The following RALGAPA2 variants were observed in gnomAD, a reference collection of about 807,000 sequenced individuals.
RALGAPA2 encodes Ral GTPase activating protein catalytic subunit alpha 2, also known as ral GTPase-activating protein subunit alpha-2.
A neutral mutation model predicts 230.4 loss-of-function variants in RALGAPA2; 139 were observed. The ratio of observed to expected loss-of-function variants is 0.60; its 90% CI spans 0.53 to 0.69. The LOEUF (loss-of-function observed/expected upper bound fraction) is 0.69. RALGAPA2 is among the 30% of genes least tolerant of loss of function. RALGAPA2 has a pLI of 0.00. For synonymous variants in RALGAPA2, 847 were observed against 837.8 expected (o/e 1.01, Z -0.19); for missense variants, 2,163 against 2,276.0 (o/e 0.95, Z 1.01).
chr20:20,605,562 C>T (rs2065794384), intron 14 of RALGAPA2, 150 bp from the exon 15 acceptor site: 1 of 679,382 alleles, frequency 1.5e-6, no homozygotes, highest in Non-Finnish European at 2.4e-6. Context: ...TCTCAAAATT[C>T]ATTTGACCAA....
At chr20:20,666,372 G>T (rs1444900644) in intron 3 of RALGAPA2, among the ~76,000 whole-genome samples, 1 of 152,170 alleles carries the variant, frequency 6.6e-6, no homozygotes, top group African/African-American at 2.4e-5. Context: ...ATCTACTAAA[G>T]CATCTAAATA....
intron 38 of RALGAPA2, among the ~76,000 whole-genome samples, chr20:20,403,614 G>A (rs970594783): frequency 3.9e-5 from 6 of 152,148 alleles, no homozygotes; most frequent in South Asian, 4.1e-4. Flanking sequence ...GGTCCGGAGC[G>A]CCCAGCCTCA....
chr20:20,695,243 A>C (rs927217106), intron 1 of RALGAPA2, among the ~76,000 whole-genome samples: 9 of 152,242 alleles, frequency 5.9e-5, no homozygotes, highest in African/African-American at 2.2e-4. Context: ...CAGCACATAC[A>C]TGGTACATAA....
At chr20:20,419,669 T>C (rs947270032) in intron 37 of RALGAPA2, among the ~76,000 whole-genome samples, 6 of 152,246 alleles carry the variant, frequency 3.9e-5, no homozygotes, top group African/African-American at 1.2e-4. Flanking sequence ...TTAGAATTAC[T>C]ATGCATTAAG....
At chr20:20,651,335 G>A (rs1453559205) in intron 4 of RALGAPA2, among the ~76,000 whole-genome samples, 2 of 152,188 alleles carry the variant, frequency 1.3e-5, no homozygotes, top group Non-Finnish European at 2.9e-5. Context: ...TTGACTTTAA[G>A]TATATAAGCA....
In RALGAPA2 at chr20:20,635,589, C is replaced by T. The variant is rs773793744; in HGVS notation, c.834G>A (p.Val278=). 1 of 1,570,398 alleles carries T rather than the reference C, an allele frequency of 6.4e-7. No homozygotes were observed. The change falls in exon 9 of 40, where the codon GTG becomes GTA. Residue 278 remains valine, a synonymous_variant. Coordinates refer to ENST00000202677, the MANE Select transcript of RALGAPA2 (RefSeq NM_020343.4). ...CATTGTCTCGAGTGGTAGTAATGTA[C>T]ACAGGCTTTGGTCTCAAATGGGGGA... The part of the protein sequence containing the change: ...LDIPHLRPKP[V]YITTTRDNEN...
At chr20:20,468,941 CTGTGTGTGTGTGTG>C (rs373453686) in intron 37 of RALGAPA2, among the ~76,000 whole-genome samples, 1 of 148,060 alleles carries the variant, frequency 6.8e-6, no homozygotes, top group Non-Finnish European at 1.5e-5. Context: ...CACCTCCATC[CTGTGTGTGTGTGTG>C]TGTGTGTTTG....
chr20:20,495,039 G>T, intron 36 of RALGAPA2, 78 bp downstream of exon 36: 1 of 1,320,222 alleles, frequency 7.6e-7, no homozygotes, highest in Non-Finnish European at 1.0e-6. Flanking sequence ...TAACATATTT[G>T]TATCACTGAT....
intron 37 of RALGAPA2, among the ~76,000 whole-genome samples, chr20:20,436,146 AG>A (rs2060607397): frequency 6.6e-6 from 1 of 152,206 alleles, no homozygotes; most frequent in Admixed American, 6.5e-5. Context: ...CCTAAATCAC[AG>A]ACCTGCCTGT....
intron 16 of RALGAPA2, among the ~76,000 whole-genome samples, chr20:20,591,777 T>C (rs2065299067): frequency 1.3e-5 from 2 of 152,164 alleles, no homozygotes; most frequent in African/African-American, 2.4e-5. Context: ...AACAGGTAAG[T>C]GCCCAACTGT....
chr20:20,550,551 A>G (rs1375044415), intron 23 of RALGAPA2, among the ~76,000 whole-genome samples: 1 of 152,174 alleles, frequency 6.6e-6, no homozygotes, highest in Non-Finnish European at 1.5e-5. Flanking sequence ...CATCCTTTCT[A>G]CTGTGTGATT....
chr20:20,399,896 C>T (rs2122653206), intron 38 of RALGAPA2, among the ~76,000 whole-genome samples: 1 of 152,356 alleles, frequency 6.6e-6, no homozygotes, highest in African/African-American at 2.4e-5. Context: ...ACGCTGCTGC[C>T]TGTCCTTGGA....
intron 38 of RALGAPA2, among the ~76,000 whole-genome samples, chr20:20,403,603 TG>T (rs1602268119): frequency 6.6e-6 from 1 of 152,294 alleles, no homozygotes; most frequent in East Asian, 1.9e-4. Flanking sequence ...ACTGTCACCC[TG>T]GTCCGGAGCG....
At chr20:20,507,474 C>G (rs915207027) in intron 33 of RALGAPA2, among the ~76,000 whole-genome samples, 3 of 152,170 alleles carry the variant, frequency 2.0e-5, no homozygotes, top group African/African-American at 7.2e-5. Context: ...GTCCCAGTAG[C>G]TGGGACTACA....
intron 2 of RALGAPA2, among the ~76,000 whole-genome samples, chr20:20,677,683 A>G (rs891986144): frequency 1.3e-4 from 15 of 114,306 alleles, no homozygotes; most frequent in Admixed American, 9.6e-4. Context: ...TCACTCTGTC[A>G]CCCAGGCTGG....
intron 1 of RALGAPA2, among the ~76,000 whole-genome samples, chr20:20,703,594 G>A (rs1186479104): frequency 6.6e-6 from 1 of 152,176 alleles, no homozygotes; most frequent in Non-Finnish European, 1.5e-5. Flanking sequence ...GTAGTAATTT[G>A]ATTAAATGAG....
intron 28 of RALGAPA2, 39 bp from the exon 29 acceptor site, chr20:20,524,937 T>G: frequency 6.6e-7 from 1 of 1,518,536 alleles, no homozygotes; most frequent in Non-Finnish European, 8.9e-7. Context: ...CAGACCATAT[T>G]TGTAAGCCTT....
At chr20:20,469,893 C>T (rs971822935) in intron 37 of RALGAPA2, among the ~76,000 whole-genome samples, 2 of 152,142 alleles carry the variant, frequency 1.3e-5, no homozygotes, top group Admixed American at 6.5e-5. Flanking sequence ...AGTTGGCCCT[C>T]ATCACTCAGA....
chr20:20,519,969 G>C (rs1014920675), intron 31 of RALGAPA2, among the ~76,000 whole-genome samples: 1 of 152,016 alleles, frequency 6.6e-6, no homozygotes, highest in African/African-American at 2.4e-5. Flanking sequence ...AGACTCAAGT[G>C]GTCCTGTGCT....
Sources: gnomAD v4.1 joint callset for allele counts (sites outside exome capture counted in the v4.1 genomes callset) on GRCh38, gnomAD v4.1.1 for gene constraint, MANE v1.5 for transcripts, NCBI Gene and HGNC (gene_info 2026-07-23, HGNC 2026-07-21) for gene names.